WDR43: variants seen among roughly 807,000 people sequenced by gnomAD.
WDR43 encodes WD repeat domain 43.
Under a neutral mutation model 91.4 loss-of-function variants are expected in WDR43, and 13 were observed. That is an observed-to-expected ratio of 0.14 (90% confidence interval 0.09 to 0.23). WDR43 has a LOEUF of 0.23. Ranked by LOEUF, WDR43 falls within the 10% of genes least tolerant of loss-of-function variation. The pLI is 1.00. For synonymous variants in WDR43, 331 were observed against 287.9 expected (o/e 1.15, Z -1.51); for missense variants, 780 against 809.4 (o/e 0.96, Z 0.44).
At chr2:28,944,080 C>G (rs1429084610) in intron 16 of WDR43, among the ~76,000 whole-genome samples, 2 of 152,146 alleles carry the variant, frequency 1.3e-5, no homozygotes, top group Non-Finnish European at 2.9e-5. Context: ...ATGTCCTCCG[C>G]TTTTCAATCG....
intron 1 of WDR43, among the ~76,000 whole-genome samples, chr2:28,896,434 TTAAG>T (rs1156404462): frequency 4.6e-5 from 7 of 152,188 alleles, no homozygotes; most frequent in African/African-American, 1.7e-4. Context: ...GCTTTAAGTG[TTAAG>T]TATTATTAAT....
chr2:28,904,835 T>C (rs910896599), intron 2 of WDR43, among the ~76,000 whole-genome samples: 2 of 152,274 alleles, frequency 1.3e-5, no homozygotes, highest in East Asian at 3.8e-4. Context: ...GTAATCACTT[T>C]TATTCTTAGC....
chr2:28,939,546 T>C lies in WDR43; in HGVS notation c.1620+1552T>C, dbSNP rs1324391596. On this transcript the variant is annotated intron_variant, in intron 14 of 17. Coordinates refer to ENST00000407426, the MANE Select transcript of WDR43 (RefSeq NM_015131.3). ...CTCTTTTCCTTCATTTCTTCCTTCC[T>C]TTGCTGATATTTTTAAGTGCCTTCT... Among the ~76,000 whole-genome samples, 5 of 152,188 alleles carry C rather than the reference T, an allele frequency of 3.3e-5. No homozygotes were observed. In the East Asian group the frequency reaches 9.6e-4, roughly 29 times the overall value.
In WDR43 at chr2:28,931,313, C is replaced by T. The variant is rs6748848; in HGVS notation, c.1437+1603C>T. ...GCCAGGCTGGTCTTGAACTCCTGAG[C>T]TCGTGATCCACCCGCCTTGGCCTCC... On this transcript the variant is annotated intron_variant, in intron 11 of 17. Coordinates refer to ENST00000407426, the MANE Select transcript of WDR43 (RefSeq NM_015131.3). Among the ~76,000 whole-genome samples the T allele has an allele frequency of 6.0e-3, 919 of 152,316 alleles. 9 individuals are homozygous for T. Among genetic ancestry groups the T allele is most frequent in the African/African-American group, 0.021 (856 of 41,576 alleles).
chr2:28,907,412 C>T (rs1166074493), intron 3 of WDR43, among the ~76,000 whole-genome samples: 1 of 121,338 alleles, frequency 8.2e-6, no homozygotes, highest in Non-Finnish European at 1.6e-5. Context: ...TGCTTGAGAC[C>T]AGACTGAACA....
intron 11 of WDR43, among the ~76,000 whole-genome samples, chr2:28,931,870 C>T (rs983226122): frequency 2.0e-4 from 28 of 142,362 alleles, no homozygotes; most frequent in Non-Finnish European, 3.3e-4. Context: ...CCCTTCCCCC[C>T]GCCCTTTTTT....
At chr2:28,924,423 G>A (rs1671092135) in intron 7 of WDR43, among the ~76,000 whole-genome samples, 1 of 152,164 alleles carries the variant, frequency 6.6e-6, no homozygotes, top group Non-Finnish European at 1.5e-5. Context: ...TGAAGTGTCA[G>A]TGAAGAGCAG....
rs1670756756 is a variant in WDR43 at position 28,909,853 on chromosome 2, A to T, written c.486-2737A>T. Among the ~76,000 whole-genome samples, 2 of 152,208 alleles carry T rather than the reference A, an allele frequency of 1.3e-5. 1 individual carries two copies. Among genetic ancestry groups the T allele is most frequent in the Non-Finnish European group, 2.9e-5 (2 of 68,036 alleles). On this transcript the variant is annotated intron_variant, in intron 3 of 17. Coordinates refer to ENST00000407426, the MANE Select transcript of WDR43 (RefSeq NM_015131.3). ...CTTGCCACTGCACTCTGCCTGGGCA[A>T]CACAGTGAGACCCTGTTTGGGGGAA...
At chr2:28,902,708 C>A (rs1670599052) in intron 2 of WDR43, among the ~76,000 whole-genome samples, 1 of 152,196 alleles carries the variant, frequency 6.6e-6, no homozygotes, top group African/African-American at 2.4e-5. Flanking sequence ...AGGAACAAGT[C>A]CCTTCTCTCT....
At chr2:28,941,317 T>C in intron 14 of WDR43, 144 bp from the exon 15 acceptor site, 1 of 576,874 alleles carries the variant, frequency 1.7e-6, no homozygotes, top group South Asian at 2.2e-5. Context: ...TTAGGCTATG[T>C]TGCAGGTAGC....
intron 3 of WDR43, among the ~76,000 whole-genome samples, chr2:28,907,812 G>C (rs912741209): frequency 7.3e-5 from 11 of 151,690 alleles, no homozygotes; most frequent in Admixed American, 6.6e-4. Context: ...GCTGAGGCAG[G>C]AGAATGGCGT....
At position 28,918,014 on chromosome 2, in the gene WDR43, G is replaced by T; in HGVS notation, c.849+19G>T. The T allele has an allele frequency of 6.5e-7, 1 of 1,545,584 alleles. No individual in the cohort carries two copies. The highest frequency in any genetic ancestry group is 1.2e-5 in the South Asian group (1 of 81,726). Reference sequence around the variant, plus strand: ...AGAAGAGGTAAATGGCTCGATTTTTGAGAATTTGTTTTTGGGTTTCACAGA... The same window carrying T: ...AGAAGAGGTAAATGGCTCGATTTTTTAGAATTTGTTTTTGGGTTTCACAGA... On this transcript the variant is annotated intron_variant, in intron 6 of 17. Transcript: ENST00000407426.
At position 28,910,442 on chromosome 2, in the gene WDR43, TTTC is replaced by T. The variant is rs1337500629; in HGVS notation, c.486-2145_486-2143del. Among the ~76,000 whole-genome samples the T allele has an allele frequency of 2.6e-5, 4 of 152,150 alleles. 1 individual carries two copies. Among genetic ancestry groups the T allele is most frequent in the Admixed American group, 6.5e-5 (1 of 15,278 alleles). On this transcript the variant is annotated intron_variant, in intron 3 of 17. Coordinates refer to ENST00000407426, the MANE Select transcript of WDR43 (RefSeq NM_015131.3). ...AGTTCTCTCGTACATTATAGCTGCA[TTTC>T]TTTGATTATCAGTGAGGTTGAATTT... is the stretch of plus-strand genomic sequence containing the variant.
chr2:28,932,851 A>C (rs1671273590), intron 11 of WDR43, among the ~76,000 whole-genome samples: 1 of 152,208 alleles, frequency 6.6e-6, no homozygotes, highest in African/African-American at 2.4e-5. Flanking sequence ...GATATTTTTA[A>C]ATATTTTAAA....
At chr2:28,931,644 C>T (rs1020396130) in intron 11 of WDR43, among the ~76,000 whole-genome samples, 8 of 143,324 alleles carry the variant, frequency 5.6e-5, no homozygotes, top group Non-Finnish European at 1.1e-4. Context: ...AGAAGAGATT[C>T]GGTTTAAAAT....
intron 16 of WDR43, among the ~76,000 whole-genome samples, chr2:28,945,454 C>T (rs1051921726): frequency 1.3e-5 from 2 of 152,150 alleles, no homozygotes; most frequent in African/African-American, 4.8e-5. Context: ...TCTTTAAGAA[C>T]TCCCTTTTTC....
chr2:28,924,091 G>C (rs185936776), intron 7 of WDR43, among the ~76,000 whole-genome samples: 1 of 152,178 alleles, frequency 6.6e-6, no homozygotes, highest in Non-Finnish European at 1.5e-5. Context: ...ATGTACACTT[G>C]TGGAGAATAA....
chr2:28,911,644 T>TC (rs1670803269), intron 3 of WDR43, among the ~76,000 whole-genome samples: 1 of 151,170 alleles, frequency 6.6e-6, no homozygotes, highest in African/African-American at 2.4e-5. Flanking sequence ...TTGCCTTTTT[T>TC]TTTTGGAGAC....
intron 1 of WDR43, among the ~76,000 whole-genome samples, chr2:28,896,145 TTA>T (rs1670476673): frequency 6.6e-6 from 1 of 152,214 alleles, no homozygotes; most frequent in Non-Finnish European, 1.5e-5. Flanking sequence ...TGCTTATCTT[TTA>T]TTTTCAAAGT....
Sources: gnomAD v4.1 joint callset for allele counts (sites outside exome capture counted in the v4.1 genomes callset) on GRCh38, gnomAD v4.1.1 for gene constraint, MANE v1.5 for transcripts, NCBI Gene and HGNC (gene_info 2026-07-23, HGNC 2026-07-21) for gene names.